HACD4: variants seen among roughly 807,000 people sequenced by gnomAD.
HACD4 encodes the protein very-long-chain (3R)-3-hydroxyacyl-CoA dehydratase 4.
Under a neutral mutation model 33.3 loss-of-function variants are expected in HACD4, and 35 were observed. The ratio of observed to expected loss-of-function variants is 1.05; its 90% confidence interval spans 0.80 to 1.39. HACD4 has a LOEUF of 1.39. Among genes scored for constraint, HACD4 ranks in the 40% most tolerant of loss-of-function variants. HACD4 has a pLI of 0.00. For missense variants in HACD4, 323 were observed against 276.5 expected (o/e 1.17, Z -1.19); for synonymous variants, 118 against 98.0 (o/e 1.20, Z -1.21).
chr9:21,031,514 C>T, intron 1 of HACD4, 39 bp downstream of exon 1: 3 of 1,455,894 alleles, frequency 2.1e-6, no homozygotes, highest in South Asian at 2.7e-5. Flanking sequence ...GGCCCTCCAC[C>T]CGCGCCCCCT....
In HACD4 at chr9:21,026,818, C is replaced by T. The variant is rs541713507; in HGVS notation, c.143-95G>A. 59 of 973,414 alleles carry T rather than the reference C, an allele frequency of 6.1e-5. No homozygotes were observed. In the South Asian group the frequency reaches 8.8e-4, roughly 14 times the overall value. 60.3% of individuals were successfully genotyped at this position (973,414 alleles called of 1,614,324 possible). A position where few individuals can be genotyped will look rare whatever the true frequency, so the allele number is the denominator to read the frequency against. On this transcript the variant is annotated intron_variant, in intron 2 of 6. Transcript: ENST00000495827. ...ACTTTGAAGTCAAATGGAGATTATT[C>T]ACTTCCTTTTTCATTGTACATGTGA...
At chr9:21,008,415 T>C (rs80252363) in intron 5 of HACD4, among the ~76,000 whole-genome samples, 132 of 152,254 alleles carry the variant, frequency 8.7e-4, no homozygotes, top group African/African-American at 3.0e-3. Flanking sequence ...TCTTAAAATG[T>C]TATCTCAAAA....
At chr9:21,027,886 G>C (rs1198508864) in intron 2 of HACD4, among the ~76,000 whole-genome samples, 1 of 152,190 alleles carries the variant, frequency 6.6e-6, no homozygotes, top group Non-Finnish European at 1.5e-5. Context: ...TGTAATCCCA[G>C]CACTTTGGGA....
In HACD4 at chr9:21,006,117, A is replaced by G. The variant is rs1842262574; in HGVS notation, c.*920T>C. 6.6e-6 allele frequency: 1 copy of G among 152,156 alleles called. No individual in the cohort carries two copies. The highest frequency in any genetic ancestry group is 1.5e-5 in the Non-Finnish European group (1 of 68,034). The allele number at this position is 152,156 out of a possible 1,614,324, so 9.4% of individuals were successfully genotyped here. A position where few individuals can be genotyped will look rare whatever the true frequency, so the allele number is the denominator to read the frequency against. On this transcript the variant is annotated 3_prime_UTR_variant, in exon 7 of 7. Transcript: ENST00000495827. This position sits in a 1 kb window ranked among gnomAD's most constrained non-coding sequence, Gnocchi z 4.6. The stretch of plus-strand genomic sequence containing the variant: ...GTATTTTGCATGTGAGGAGGACATG[A>G]ATTTTGTAGGACCAGGTACAGAATG...
At chr9:21,031,384 G>C in intron 1 of HACD4, 169 bp downstream of exon 1, 1 of 872,426 alleles carries the variant, frequency 1.1e-6, no homozygotes, top group Non-Finnish European at 1.4e-6. Context: ...GTCAAGAGGG[G>C]TAAGTTAGCA....
Position 21,008,128 on chromosome 9 carries a change from G to T in HACD4, c.509C>A (p.Ser170Ter). ...VLAEAFAIYQ[S>*]LPYFESFGTY... ...GCCAAATGATTCAAAATAAGGCAGC[G>T]ATTGATAGATGGCAAATGCTGTTAA... The change falls in exon 6 of 7, where the codon TCG becomes TAG. Residue 170 changes from serine (S) to a stop codon, truncating the protein, a stop_gained. Transcript: ENST00000495827. LOFTEE classifies it high-confidence loss of function. The T allele has an allele frequency of 6.2e-7, 1 of 1,605,718 alleles. No individual in the cohort carries two copies.
chr9:21,011,717 A>C (rs1258844858), intron 4 of HACD4, 22 bp from the exon 5 acceptor site: 30 of 1,298,890 alleles, frequency 2.3e-5, no homozygotes, highest in Middle Eastern at 1.8e-4. Flanking sequence ...TGAGAAGCTC[A>C]TAAACATCAT....
chr9:21,017,712 C>G (rs916483497), intron 3 of HACD4: 8 of 152,154 alleles, frequency 5.3e-5, no homozygotes, highest in Non-Finnish European at 8.8e-5. Context: ...AACTTAGACA[C>G]CTTTCAATAA....
In HACD4 at chr9:21,006,741, A is replaced by T; in HGVS notation, c.*296T>A. 3.2e-6 allele frequency: 1 copy of T among 311,206 alleles called. No homozygotes were observed. The highest frequency in any genetic ancestry group is 9.2e-5 in the East Asian group (1 of 10,918). 19.3% of individuals were successfully genotyped at this position (311,206 alleles called of 1,614,324 possible). A position where few individuals can be genotyped will look rare whatever the true frequency, so the allele number is the denominator to read the frequency against. On this transcript the variant is annotated 3_prime_UTR_variant, in exon 7 of 7. Coordinates refer to ENST00000495827, the MANE Select transcript of HACD4 (RefSeq NM_001010915.5). This position sits in a 1 kb window ranked among gnomAD's most constrained non-coding sequence, Gnocchi z 4.6. ...TATTGCAGCTAATCTCCTATTTCTC[A>T]TTAAACTTACAGGAAAATAATCAGA...
Position 21,011,584 on chromosome 9 carries a change from C to G in HACD4, c.490+5G>C. Reference sequence around the variant, plus strand: ...AAGCAATACAGCAAGTCACTCTTTTCTTACCTTCAGCAAGAACACACAAAG... The same window carrying G: ...AAGCAATACAGCAAGTCACTCTTTTGTTACCTTCAGCAAGAACACACAAAG... On this transcript the variant is annotated splice_donor_5th_base_variant and intron_variant, in intron 5 of 6. Coordinates refer to ENST00000495827, the MANE Select transcript of HACD4 (RefSeq NM_001010915.5). The G allele has an allele frequency of 6.4e-7, 1 of 1,569,634 alleles. No individual in the cohort carries two copies. Among genetic ancestry groups the G allele is most frequent in the Non-Finnish European group, 8.8e-7 (1 of 1,140,604 alleles).
At chr9:21,027,140 A>G (rs1818083348) in intron 2 of HACD4, among the ~76,000 whole-genome samples, 1 of 152,246 alleles carries the variant, frequency 6.6e-6, no homozygotes, top group South Asian at 2.1e-4. Context: ...AAAGATGAGA[A>G]AAAATATTAT....
chr9:21,010,465 C>CCT (rs1554757242), intron 5 of HACD4, among the ~76,000 whole-genome samples: 2 of 117,730 alleles, frequency 1.7e-5, no homozygotes, highest in Non-Finnish European at 3.7e-5. Context: ...TACCCCCCCC[C>CCT]CCCCCAGAGC....
intron 3 of HACD4, among the ~76,000 whole-genome samples, chr9:21,023,247 T>C (rs1238729390): frequency 6.6e-6 from 1 of 151,380 alleles, no homozygotes; most frequent in Non-Finnish European, 1.5e-5. Flanking sequence ...AGGAATAGCA[T>C]TAGGAGATAT....
At chr9:21,007,739 G>A (rs557248822) in intron 6 of HACD4, among the ~76,000 whole-genome samples, 7 of 152,252 alleles carry the variant, frequency 4.6e-5, no homozygotes, top group African/African-American at 1.7e-4. Flanking sequence ...GTAGATACCT[G>A]TGCACATGGT....
chr9:21,000,821 C>CT lies in HACD4; in HGVS notation c.*6215dup, dbSNP rs1842156610. ...ATAAAATGTTTTCTCCATAAGTAAACTTAAATAATTGTAAGATTCTTTCTT... is the reference window on the plus strand; with the variant it reads ...ATAAAATGTTTTCTCCATAAGTAAACTTTAAATAATTGTAAGATTCTTTCTT... On this transcript the variant is annotated 3_prime_UTR_variant, in exon 7 of 7. Coordinates refer to ENST00000495827, the MANE Select transcript of HACD4 (RefSeq NM_001010915.5). The CT allele has an allele frequency of 6.6e-6, 1 of 151,942 alleles. No homozygotes were observed. The highest frequency in any genetic ancestry group is 1.5e-5 in the Non-Finnish European group (1 of 67,950). 9.4% of individuals were successfully genotyped at this position (151,942 alleles called of 1,614,324 possible).
At chr9:21,009,653 A>G (rs988893390) in intron 5 of HACD4, among the ~76,000 whole-genome samples, 3 of 152,178 alleles carry the variant, frequency 2.0e-5, no homozygotes, top group Admixed American at 2.0e-4. Flanking sequence ...TAACATATCT[A>G]CCACCTCGCT....
At position 21,015,817 on chromosome 9, in the gene HACD4, T is replaced by C. The variant is rs910916865; in HGVS notation, c.383+81A>G. The C allele has an allele frequency of 2.4e-5, 18 of 765,450 alleles. No homozygotes were observed. The East Asian group carries it at 2.5e-4, about 11-fold the overall frequency. 47.4% of individuals were successfully genotyped at this position (765,450 alleles called of 1,614,324 possible). A position where few individuals can be genotyped will look rare whatever the true frequency, so the allele number is the denominator to read the frequency against. On this transcript the variant is annotated intron_variant, in intron 4 of 6. Transcript: ENST00000495827. ...TTATGTTTTCCTCTCTCGTACCAAG[T>C]AACCTCTGGTTACTGCTAGTACTGG... is the stretch of plus-strand genomic sequence containing the variant.
intron 3 of HACD4, among the ~76,000 whole-genome samples, chr9:21,022,228 C>T (rs10811451): frequency 0.38 from 57,176 of 151,942 alleles, 10,945 homozygotes; most frequent in Non-Finnish European, 0.42. Context: ...AATTAATTCA[C>T]GATGTATTAA....
At chr9:21,028,345 G>C (rs969700949) in intron 2 of HACD4, among the ~76,000 whole-genome samples, 2 of 152,030 alleles carry the variant, frequency 1.3e-5, no homozygotes, top group Non-Finnish European at 2.9e-5. Context: ...AAATATAAAA[G>C]AAGTTTTCCC....
Sources: allele counts gnomAD v4.1 joint callset (sites outside exome capture counted in the v4.1 genomes callset), GRCh38; gene constraint gnomAD v4.1.1; non-coding constraint Gnocchi (gnomAD v3.1); transcripts MANE v1.5; gene names NCBI Gene and HGNC (gene_info 2026-07-23, HGNC 2026-07-21).